Variants in GRM7 observed in about 807,000 individuals in gnomAD.
GRM7 encodes metabotropic glutamate receptor 7.
Under a neutral mutation model 84.5 loss-of-function variants are expected in GRM7, and 35 were observed. That is an observed-to-expected ratio of 0.41 (90% confidence interval 0.32 to 0.55). The LOEUF is 0.55. Ranked by LOEUF, GRM7 falls within the 20% of genes least tolerant of loss-of-function variation. The probability of loss-of-function intolerance (pLI) is 0.19; values close to 1 mark genes in which losing one functional copy is unlikely to be tolerated. For missense variants in GRM7, 1,003 were observed against 1,194.6 expected, an observed-to-expected ratio of 0.84 and a Z score of 2.36; for synonymous variants, 487 against 455.1, an observed-to-expected ratio of 1.07 and a Z score of -0.89.
At chr3:7,559,655 G>A (rs943203697) in intron 7 of GRM7, among the ~76,000 whole-genome samples, 8 of 152,042 alleles carry the variant, frequency 5.3e-5, no homozygotes, top group African/African-American at 1.2e-4. Context: ...TCAACTCTGC[G>A]AAGGCGAATG....
chr3:7,031,344 C>G (rs954079898), intron 1 of GRM7, among the ~76,000 whole-genome samples: 2 of 151,916 alleles, frequency 1.3e-5, no homozygotes, highest in Non-Finnish European at 2.9e-5. Flanking sequence ...ATGTCCCCAC[C>G]GTGAACTTCC....
chr3:7,553,921 G>C (rs923238821), intron 7 of GRM7, among the ~76,000 whole-genome samples: 1 of 152,176 alleles, frequency 6.6e-6, no homozygotes, highest in Non-Finnish European at 1.5e-5. Flanking sequence ...GTGATAGCAG[G>C]AAGGGACATG....
intron 1 of GRM7, among the ~76,000 whole-genome samples, chr3:7,058,398 ATTATGT>A (rs1351835109): frequency 6.6e-6 from 1 of 151,820 alleles, no homozygotes; most frequent in Non-Finnish European, 1.5e-5. Context: ...TATCACATTG[ATTATGT>A]TTAGGTTTGG....
At chr3:6,953,484 T>C (rs575944693) in intron 1 of GRM7, among the ~76,000 whole-genome samples, 118 of 152,364 alleles carry the variant, frequency 7.7e-4, no homozygotes, top group African/African-American at 2.5e-3. Flanking sequence ...TAACCCCTTC[T>C]AAAATATATG....
chr3:7,303,126 G>T (rs1174184055), intron 3 of GRM7, among the ~76,000 whole-genome samples: 1 of 151,882 alleles, frequency 6.6e-6, no homozygotes, highest in African/African-American at 2.4e-5. Context: ...ATTTTTAGTA[G>T]AGACGGGCTT....
chr3:7,726,611 C>CTA (rs1702136909), intron 9 of GRM7, among the ~76,000 whole-genome samples: 2 of 70,460 alleles, frequency 2.8e-5, no homozygotes, highest in South Asian at 5.4e-4. Context: ...CTCTCTCTCC[C>CTA]TCTATATATA....
chr3:7,389,458 G>A (rs1694906743), intron 4 of GRM7, among the ~76,000 whole-genome samples: 1 of 152,054 alleles, frequency 6.6e-6, no homozygotes, highest in Non-Finnish European at 1.5e-5. Context: ...TTTGATGGGT[G>A]TGTTGAAGTT....
intron 1 of GRM7, among the ~76,000 whole-genome samples, chr3:6,990,783 G>A (rs1042398087): frequency 1.3e-5 from 2 of 152,128 alleles, no homozygotes; most frequent in Non-Finnish European, 2.9e-5. Context: ...CTAGTGAGAT[G>A]TGCTTTCTCT....
intron 4 of GRM7, among the ~76,000 whole-genome samples, chr3:7,356,740 C>T (rs1358005839): frequency 6.6e-6 from 1 of 152,074 alleles, no homozygotes; most frequent in East Asian, 1.9e-4. Context: ...TTTGTACCAG[C>T]AGCTTTTTGA....
chr3:7,605,640 C>T (rs533181534), intron 8 of GRM7, among the ~76,000 whole-genome samples: 1 of 152,260 alleles, frequency 6.6e-6, no homozygotes, highest in Non-Finnish European at 1.5e-5. Context: ...TTTTATAAAA[C>T]TCCATAGGTA....
chr3:7,078,488 A>C (rs1178178817), intron 1 of GRM7, among the ~76,000 whole-genome samples: 3 of 152,204 alleles, frequency 2.0e-5, no homozygotes, highest in Non-Finnish European at 4.4e-5. Context: ...CCCTCAAAGC[A>C]CTTATGTACT....
chr3:7,347,540 G>C (rs1403305071), intron 4 of GRM7, among the ~76,000 whole-genome samples: 1 of 152,144 alleles, frequency 6.6e-6, no homozygotes, highest in Non-Finnish European at 1.5e-5. Context: ...GATTGTCGGG[G>C]TTTGAGTTTT....
intron 1 of GRM7, among the ~76,000 whole-genome samples, chr3:6,882,305 TTCTTGTTGAAAATTA>T (rs1220909283): frequency 1.1e-4 from 16 of 152,216 alleles, no homozygotes; most frequent in African/African-American, 3.9e-4. Context: ...AATCTAAAGC[TTCTTGTTGAAAATTA>T]AAATACTTTT....
At chr3:7,159,797 G>A (rs748780555) in intron 2 of GRM7, among the ~76,000 whole-genome samples, 4 of 152,102 alleles carry the variant, frequency 2.6e-5, no homozygotes, top group Admixed American at 6.6e-5. Flanking sequence ...AAACCAGGAC[G>A]TCTCCTACTT....
At chr3:7,680,835 A>G (rs1484678992) in intron 9 of GRM7, 5 of 156,604 alleles carry the variant, frequency 3.2e-5, no homozygotes, top group African/African-American at 1.2e-4. Flanking sequence ...TGATAACGGC[A>G]TCATACTGTG....
intron 7 of GRM7, among the ~76,000 whole-genome samples, chr3:7,493,190 T>G (rs1182974771): frequency 6.6e-6 from 1 of 152,110 alleles, no homozygotes; most frequent in Non-Finnish European, 1.5e-5. Flanking sequence ...ATCTTTTTGG[T>G]TGACTATATT....
At chr3:7,113,821 C>T (rs1478969914) in intron 1 of GRM7, among the ~76,000 whole-genome samples, 7 of 151,998 alleles carry the variant, frequency 4.6e-5, no homozygotes, top group Non-Finnish European at 1.0e-4. Flanking sequence ...TTTTCTATGG[C>T]CGAAGTGAAA....
chr3:7,576,853 C>A (rs867185087), intron 7 of GRM7, among the ~76,000 whole-genome samples: 3 of 152,084 alleles, frequency 2.0e-5, no homozygotes, highest in South Asian at 4.1e-4. Flanking sequence ...CAAGTATTAA[C>A]AATAAACTTC....
intron 1 of GRM7, among the ~76,000 whole-genome samples, chr3:7,048,232 G>T (rs1369130291): frequency 6.6e-6 from 1 of 151,964 alleles, no homozygotes; most frequent in East Asian, 1.9e-4. Flanking sequence ...GCATAACTGA[G>T]TCATGGCCTT....
Sources: gnomAD v4.1 joint callset for allele counts (sites outside exome capture counted in the v4.1 genomes callset) on GRCh38, gnomAD v4.1.1 for gene constraint, MANE v1.5 for transcripts, NCBI Gene and HGNC (gene_info 2026-07-23, HGNC 2026-07-21) for gene names.